NIPAL3: variants seen among roughly 807,000 people sequenced by gnomAD.
NIPAL3 encodes NIPA-like protein 3.
NIPAL3 carries 41 observed loss-of-function variants against 47.2 expected under a neutral mutation model. That is an observed-to-expected ratio of 0.87 (90% CI 0.68 to 1.13). NIPAL3 has a LOEUF of 1.13. Ranked by LOEUF, NIPAL3 falls within the 50% of genes most tolerant of loss-of-function variation. The pLI is 0.00. For synonymous variants in NIPAL3, 194 were observed against 209.6 expected, an observed-to-expected ratio of 0.93 and a Z score of 0.64; for missense variants, 449 against 530.1, an observed-to-expected ratio of 0.85 and a Z score of 1.50.
intron 10 of NIPAL3, among the ~76,000 whole-genome samples, chr1:24,460,869 T>C (rs1275347360): frequency 6.6e-6 from 1 of 152,170 alleles, no homozygotes; most frequent in Non-Finnish European, 1.5e-5. Flanking sequence ...ACAGGATTAA[T>C]AGTATTCCAC....
chr1:24,417,461 T>C (rs573320092), intron 1 of NIPAL3, among the ~76,000 whole-genome samples: 4 of 152,348 alleles, frequency 2.6e-5, no homozygotes, highest in African/African-American at 9.6e-5. Flanking sequence ...ATAATGCTTT[T>C]CACATGTACG....
At chr1:24,466,989 T>TCGG (rs1646725140) in intron 11 of NIPAL3, among the ~76,000 whole-genome samples, 1 of 152,218 alleles carries the variant, frequency 6.6e-6, no homozygotes, top group South Asian at 2.1e-4. Flanking sequence ...AGATCCCACC[T>TCGG]TGGTCTCTGG....
At chr1:24,427,425 G>T (rs1370424063) in intron 2 of NIPAL3, among the ~76,000 whole-genome samples, 1 of 152,184 alleles carries the variant, frequency 6.6e-6, no homozygotes, top group East Asian at 1.9e-4. Context: ...TGCTTAGGTG[G>T]AGTTATATTA....
rs41268765 is a variant in NIPAL3 at position 24,469,454 on chromosome 1, C to A, written c.*269C>A. 8.8e-5 allele frequency: 34 copies of A among 387,608 alleles called. No individual in the cohort carries two copies. Among genetic ancestry groups the A allele is most frequent in the Non-Finnish European group, 1.4e-4 (31 of 214,274 alleles). 24.0% of individuals were successfully genotyped at this position (387,608 alleles called of 1,614,324 possible). A position where few individuals can be genotyped will look rare whatever the true frequency, so the allele number is the denominator to read the frequency against. On this transcript the variant is annotated 3_prime_UTR_variant, in exon 12 of 12. Coordinates refer to ENST00000374399, the MANE Select transcript of NIPAL3 (RefSeq NM_020448.5). ...ATTAGCCCAGGGGGATTTGGAAAGC[C>A]TTTCTACCATCCTTGAGGATGGTAA...
chr1:24,466,253 T>A, intron 11 of NIPAL3: 1 of 606,852 alleles, frequency 1.6e-6, no homozygotes, highest in East Asian at 2.9e-5. Flanking sequence ...GCAGCTGTGA[T>A]GGATCAGGAC....
chr1:24,426,725 G>A (rs1644606577), intron 2 of NIPAL3, among the ~76,000 whole-genome samples: 1 of 152,168 alleles, frequency 6.6e-6, no homozygotes, highest in African/African-American at 2.4e-5. Flanking sequence ...TCCACTGGGA[G>A]CAGCTCCTGA....
chr1:24,414,019 TAAA>T (rs1367090929), upstream of NIPAL3: 1 of 152,078 alleles, frequency 6.6e-6, no homozygotes, highest in Non-Finnish European at 1.5e-5. Flanking sequence ...GGAATATACC[TAAA>T]AGAATTAACA....
chr1:24,469,247 C>A lies in NIPAL3; in HGVS notation c.*62C>A. 7.2e-7 allele frequency: 1 copy of A among 1,397,034 alleles called. No individual in the cohort carries two copies. Among genetic ancestry groups the A allele is most frequent in the Non-Finnish European group, 9.8e-7 (1 of 1,024,198 alleles). 86.5% of individuals were successfully genotyped at this position (1,397,034 alleles called of 1,614,324 possible). On this transcript the variant is annotated 3_prime_UTR_variant, in exon 12 of 12. Transcript: ENST00000374399. The stretch of plus-strand genomic sequence containing the variant: ...GCTGACAGTGGTTCAACCCTGAATC[C>A]TAAAACTTGCCTTTCAAGTCTCATT...
At position 24,432,919 on chromosome 1, in the gene NIPAL3, A is replaced by G. The variant is rs112515590; in HGVS notation, c.94-7253A>G. Among the ~76,000 whole-genome samples, 963 of 152,330 alleles carry G rather than the reference A, an allele frequency of 6.3e-3. 10 individuals are homozygous for G. The highest frequency in any genetic ancestry group is 0.022 in the African/African-American group (894 of 41,566). The stretch of plus-strand genomic sequence containing the variant: ...GATCACCTCCCACTGGCATGTGCCT[A>G]ACACGTAGGAAGTTCTCACGATGCC... On this transcript the variant is annotated intron_variant, in intron 2 of 11. Transcript: ENST00000374399.
chr1:24,469,285 G>A lies in NIPAL3; in HGVS notation c.*100G>A, dbSNP rs1329169904. On this transcript the variant is annotated 3_prime_UTR_variant, in exon 12 of 12. Coordinates refer to ENST00000374399, the MANE Select transcript of NIPAL3 (RefSeq NM_020448.5). ...TTCAAGTCTCATTTTGTTTCTAACT[G>A]AGAACTCTATGGATGATGATCTCAA... 1 of 968,908 alleles carries A rather than the reference G, an allele frequency of 1.0e-6. No homozygotes were observed. Among genetic ancestry groups the A allele is most frequent in the Non-Finnish European group, 1.5e-6 (1 of 663,108 alleles). 60.0% of individuals were successfully genotyped at this position (968,908 alleles called of 1,614,324 possible).
At chr1:24,425,829 C>G (rs112897414) in intron 2 of NIPAL3, among the ~76,000 whole-genome samples, 2,204 of 152,292 alleles carry the variant, frequency 0.014, 51 homozygotes, top group African/African-American at 0.048. Context: ...TGCACCACCC[C>G]CTGCTTCTGC....
At chr1:24,427,170 TG>T (rs1445979370) in intron 2 of NIPAL3, among the ~76,000 whole-genome samples, 1 of 152,144 alleles carries the variant, frequency 6.6e-6, no homozygotes, top group Non-Finnish European at 1.5e-5. Context: ...GCAGCAGAAC[TG>T]GGCACCCGCA....
In NIPAL3 at chr1:24,467,235, G is replaced by A. The variant is rs1051162287; in HGVS notation, c.1022-1751G>A. Among the ~76,000 whole-genome samples the A allele has an allele frequency of 5.9e-5, 9 of 152,082 alleles. No homozygotes were observed. The South Asian group carries it at 6.2e-4, about 11-fold the overall frequency. The stretch of plus-strand genomic sequence containing the variant: ...TCCCAGCATTTTGGGAGGCCGAGGC[G>A]GGCAGATCACAAGGTCAGGAGATCG... On this transcript the variant is annotated intron_variant, in intron 11 of 11. Coordinates refer to ENST00000374399, the MANE Select transcript of NIPAL3 (RefSeq NM_020448.5).
intron 2 of NIPAL3, among the ~76,000 whole-genome samples, chr1:24,431,568 C>A (rs572914106): frequency 6.6e-6 from 1 of 152,214 alleles, no homozygotes; most frequent in Non-Finnish European, 1.5e-5. Context: ...GAAATAATTT[C>A]TCTTTTAGAA....
chr1:24,456,280 T>TA lies in NIPAL3; in HGVS notation c.773+8dup. ...CCGCCGTCTATCAGGCTGCGTGAGT[T>TA]ACAAATCCTTTTCCTGCTGGGCCCT... is the stretch of plus-strand genomic sequence containing the variant. On this transcript the variant is annotated splice_region_variant and intron_variant, in intron 8 of 11. Coordinates refer to ENST00000374399, the MANE Select transcript of NIPAL3 (RefSeq NM_020448.5). 6.2e-7 allele frequency: 1 copy of TA among 1,614,212 alleles called. No individual in the cohort carries two copies. The highest frequency in any genetic ancestry group is 8.5e-7 in the Non-Finnish European group (1 of 1,180,036).
chr1:24,439,081 T>G (rs1278705953), intron 2 of NIPAL3, among the ~76,000 whole-genome samples: 5 of 149,374 alleles, frequency 3.3e-5, no homozygotes, highest in African/African-American at 4.8e-5. Flanking sequence ...AATTACCGAT[T>G]GGGTACTGTG....
intron 2 of NIPAL3, among the ~76,000 whole-genome samples, chr1:24,439,064 G>A (rs1015663850): frequency 6.6e-6 from 1 of 152,006 alleles, no homozygotes; most frequent in African/African-American, 2.4e-5. Context: ...GGGGGTGAGA[G>A]TTGAAAAATT....
At chr1:24,433,939 A>G (rs927736683) in intron 2 of NIPAL3, among the ~76,000 whole-genome samples, 2 of 152,222 alleles carry the variant, frequency 1.3e-5, no homozygotes, top group Admixed American at 6.5e-5. Flanking sequence ...TTAAGAAAAT[A>G]ACTCTTAAAT....
rs1644042733 is a variant in NIPAL3 at position 24,416,495 on chromosome 1, C to T, written c.-258+591C>T. The T allele has an allele frequency of 4.4e-6, 1 of 228,852 alleles. No individual in the cohort carries two copies. Among genetic ancestry groups the T allele is most frequent in the Non-Finnish European group, 7.2e-6 (1 of 138,282 alleles). The allele number at this position is 228,852 out of a possible 1,614,324, so 14.2% of individuals were successfully genotyped here. ...TACAGACGCTATGAGCCACGGCTGT[C>T]TCATTTGTAAAACGTGCTCTGTGGG... On this transcript the variant is annotated intron_variant, in intron 1 of 11. Coordinates refer to ENST00000374399, the MANE Select transcript of NIPAL3 (RefSeq NM_020448.5). This position sits in a 1 kb window ranked among gnomAD's most constrained non-coding sequence, Gnocchi z 4.8.
Sources: allele counts gnomAD v4.1 joint callset (sites outside exome capture counted in the v4.1 genomes callset), GRCh38; gene constraint gnomAD v4.1.1; non-coding constraint Gnocchi (gnomAD v3.1); transcripts MANE v1.5; gene names NCBI Gene and HGNC (gene_info 2026-07-23, HGNC 2026-07-21).